Variants in KHDRBS2 observed in about 807,000 individuals in gnomAD.
KHDRBS2 encodes the protein KH domain-containing, RNA-binding, signal transduction-associated protein 2.
Under a neutral mutation model 44.3 loss-of-function variants are expected in KHDRBS2, and 26 were observed. The ratio of observed to expected loss-of-function variants is 0.59; its 90% CI spans 0.43 to 0.81. The LOEUF (loss-of-function observed/expected upper bound fraction) is 0.81. KHDRBS2 is among the 40% of genes least tolerant of loss of function. The probability of loss-of-function intolerance (pLI) is 0.00; values close to 1 mark genes in which losing one functional copy is unlikely to be tolerated. For synonymous variants in KHDRBS2, 194 were observed against 151.1 expected (o/e 1.28, Z -2.08); for missense variants, 476 against 433.1 (o/e 1.10, Z -0.88).
chr6:61,679,896 C>T (rs1480947715), downstream of KHDRBS2: 2 of 151,814 alleles, frequency 1.3e-5, no homozygotes, highest in Non-Finnish European at 2.9e-5. Flanking sequence ...CTCTTTCTCA[C>T]GAGAGACATG....
At chr6:61,647,748 T>C in the KHDRBS2 span, among the ~76,000 whole-genome samples, 2 of 152,188 alleles carry the variant, frequency 1.3e-5, no homozygotes, top group African/African-American at 4.8e-5. Context: ...TTTGTGGGTA[T>C]GTTTGTATCA....
At chr6:62,002,944 T>C (rs778730944) in intron 3 of KHDRBS2, among the ~76,000 whole-genome samples, 2 of 152,098 alleles carry the variant, frequency 1.3e-5, no homozygotes, top group Admixed American at 6.6e-5. Context: ...ATTCTTCCAT[T>C]TTATCAAACC....
At chr6:61,899,361 G>C (rs1931812) in intron 5 of KHDRBS2, among the ~76,000 whole-genome samples, 1 of 151,660 alleles carries the variant, frequency 6.6e-6, no homozygotes, top group East Asian at 1.9e-4. Flanking sequence ...ATTTCCTTTC[G>C]TTAATGCTAG....
chr6:62,007,363 G>A (rs1779437150), intron 3 of KHDRBS2, among the ~76,000 whole-genome samples: 1 of 151,706 alleles, frequency 6.6e-6, no homozygotes, highest in Admixed American at 6.6e-5. Context: ...GTGGCTATGA[G>A]AGATTACTTT....
At chr6:61,939,481 T>C (rs1341682266) in intron 4 of KHDRBS2, among the ~76,000 whole-genome samples, 2 of 152,226 alleles carry the variant, frequency 1.3e-5, no homozygotes. Flanking sequence ...CACAGATATT[T>C]TGCATCACTA....
the KHDRBS2 span, among the ~76,000 whole-genome samples, chr6:61,578,129 C>T: frequency 6.6e-6 from 1 of 152,048 alleles, no homozygotes; most frequent in Non-Finnish European, 1.5e-5. Context: ...TTAAAACACT[C>T]AGAGCAAGAG....
At chr6:62,155,706 A>G (rs1816211260) in intron 2 of KHDRBS2, among the ~76,000 whole-genome samples, 1 of 152,254 alleles carries the variant, frequency 6.6e-6, no homozygotes, top group South Asian at 2.1e-4. Context: ...TATATAATCA[A>G]AAACAATTCC....
chr6:62,108,920 G>T (rs1804279355), intron 2 of KHDRBS2, among the ~76,000 whole-genome samples: 1 of 152,042 alleles, frequency 6.6e-6, no homozygotes, highest in South Asian at 2.1e-4. Flanking sequence ...CACAGGAAGG[G>T]GTACATCACA....
At chr6:61,894,915 G>A (rs1005849345) in intron 5 of KHDRBS2, 82 bp from the exon 6 acceptor site, 3 of 833,296 alleles carry the variant, frequency 3.6e-6, no homozygotes, top group African/African-American at 1.7e-5. Flanking sequence ...TCATCTCACA[G>A]CCTCCATACA....
the KHDRBS2 span, among the ~76,000 whole-genome samples, chr6:61,619,711 C>T: frequency 6.6e-6 from 1 of 152,114 alleles, no homozygotes; most frequent in Non-Finnish European, 1.5e-5. Context: ...GCCTCGGCCT[C>T]CCAAAGTGCT....
At chr6:61,925,435 G>A (rs1433946142) in intron 4 of KHDRBS2, among the ~76,000 whole-genome samples, 5 of 152,168 alleles carry the variant, frequency 3.3e-5, no homozygotes, top group African/African-American at 1.2e-4. Flanking sequence ...TTATAGTTTG[G>A]TCAGGCACAG....
chr6:61,597,073 C>T, the KHDRBS2 span, among the ~76,000 whole-genome samples: 1 of 152,074 alleles, frequency 6.6e-6, no homozygotes, highest in Non-Finnish European at 1.5e-5. Flanking sequence ...TAGGTAAAGG[C>T]CTAGTTAAGG....
At chr6:62,257,092 C>T (rs1220818113) in intron 1 of KHDRBS2, among the ~76,000 whole-genome samples, 4 of 151,978 alleles carry the variant, frequency 2.6e-5, no homozygotes, top group Admixed American at 1.3e-4. Flanking sequence ...CTGAGGTTTG[C>T]AGAATGATAA....
chr6:62,113,705 AAG>A (rs1219724011), intron 2 of KHDRBS2, among the ~76,000 whole-genome samples: 2 of 152,100 alleles, frequency 1.3e-5, no homozygotes, highest in East Asian at 3.9e-4. Flanking sequence ...TATTTATCAG[AAG>A]AGGAAAATTA....
At chr6:61,616,406 T>C in the KHDRBS2 span, among the ~76,000 whole-genome samples, 41 of 151,706 alleles carry the variant, frequency 2.7e-4, no homozygotes, top group African/African-American at 9.2e-4. Context: ...TGAAATGGGA[T>C]GACCCTATGC....
intron 4 of KHDRBS2, among the ~76,000 whole-genome samples, chr6:61,948,381 T>C (rs1359445745): frequency 2.6e-5 from 4 of 152,110 alleles, no homozygotes; most frequent in Non-Finnish European, 5.9e-5. Flanking sequence ...CAGTTTTCTT[T>C]TTTAGCTGAA....
intron 4 of KHDRBS2, among the ~76,000 whole-genome samples, chr6:61,943,027 GAAGGAAGGAAAGAAGGA>G: frequency 6.9e-6 from 1 of 144,070 alleles, no homozygotes; most frequent in Middle Eastern, 3.5e-3. Flanking sequence ...AGAAAGGAAG[GAAGGAAGGAAAGAAGGA>G]AGGGAGGGAA....
chr6:62,072,871 C>G (rs749736601), intron 2 of KHDRBS2, among the ~76,000 whole-genome samples: 2 of 151,840 alleles, frequency 1.3e-5, no homozygotes, highest in Non-Finnish European at 1.5e-5. Flanking sequence ...GAGTTAGGGA[C>G]GATTCCCTCT....
At chr6:62,124,356 T>C (rs1254264168) in intron 2 of KHDRBS2, among the ~76,000 whole-genome samples, 1 of 152,204 alleles carries the variant, frequency 6.6e-6, no homozygotes, top group Non-Finnish European at 1.5e-5. Flanking sequence ...TATATGGTCC[T>C]TGTGTGATCC....
Sources: allele counts gnomAD v4.1 joint callset (sites outside exome capture counted in the v4.1 genomes callset), GRCh38; gene constraint gnomAD v4.1.1; transcripts MANE v1.5; gene names NCBI Gene and HGNC (gene_info 2026-07-23, HGNC 2026-07-21).